KAT2B: variants seen among roughly 807,000 people sequenced by gnomAD.
The protein encoded by KAT2B is histone acetyltransferase KAT2B.
A neutral mutation model predicts 105.9 loss-of-function variants in KAT2B; 36 were observed. That is an observed-to-expected ratio of 0.34 (90% confidence interval 0.26 to 0.45). The LOEUF (loss-of-function observed/expected upper bound fraction) is 0.45. Among genes scored for constraint, KAT2B ranks in the 20% least tolerant of loss-of-function variants. KAT2B has a pLI of 1.00. For missense variants in KAT2B, 820 were observed against 1,021.6 expected, an observed-to-expected ratio of 0.80 and a Z score of 2.69; for synonymous variants, 397 against 377.9, an observed-to-expected ratio of 1.05 and a Z score of -0.59.
Position 20,122,734 on chromosome 3 carries a change from A to G in KAT2B, c.1343A>G (p.Asp448Gly), listed in dbSNP as rs1330623297. The change falls in exon 9 of 18, where the codon GAT becomes GGT. Residue 448 changes from aspartate (D) to glycine (G), a missense_variant. Transcript: ENST00000263754. ...GCCAAGAAACCCCGAGTTATGGGGG[A>G]TATTCCGATGGAATTAATCAACGAG... ...EEAKKPRVMG[D>G]IPMELINEVM... is the part of the protein sequence containing the mutation. 1 of 1,613,884 alleles carries G rather than the reference A, an allele frequency of 6.2e-7. No homozygotes were observed. The highest frequency in any genetic ancestry group is 8.5e-7 in the Non-Finnish European group (1 of 1,179,902).
intron 3 of KAT2B, among the ~76,000 whole-genome samples, chr3:20,099,240 C>T (rs966272855): frequency 7.2e-5 from 11 of 151,996 alleles, no homozygotes; most frequent in African/African-American, 1.2e-4. Context: ...CTGCATTCTA[C>T]GGATGGAAGG....
At chr3:20,061,839 C>T (rs1229423356) in intron 1 of KAT2B, among the ~76,000 whole-genome samples, 1 of 67,586 alleles carries the variant, frequency 1.5e-5, no homozygotes, top group Non-Finnish European at 3.2e-5. Flanking sequence ...ATATAATATA[C>T]ATAAAATATA....
intron 1 of KAT2B, among the ~76,000 whole-genome samples, chr3:20,062,098 C>CATATAATATATATTATATATAAAAA (rs1698125605): frequency 1.3e-5 from 1 of 74,558 alleles, no homozygotes; most frequent in Non-Finnish European, 2.2e-5. Context: ...ATATATAAAA[C>CATATAATATATATTATATATAAAAA]ATATAATATA....
At chr3:20,106,975 A>ATG (rs1559316123) in intron 5 of KAT2B, among the ~76,000 whole-genome samples, 16 of 12,024 alleles carry the variant, frequency 1.3e-3, no homozygotes, top group African/African-American at 2.2e-3. Context: ...ATATATATAT[A>ATG]TATGTATATA....
chr3:20,142,296 T>A lies in KAT2B; in HGVS notation c.2004+1932T>A, dbSNP rs1028009226. Among the ~76,000 whole-genome samples, 6 of 152,304 alleles carry A rather than the reference T, an allele frequency of 3.9e-5. No homozygotes were observed. The South Asian group carries it at 1.2e-3, about 32-fold the overall frequency. ...CTGCCTCCAGCCTTCCCTCACACAT[T>A]CCGTTGAATGGGTGATGGAGGTTTG... On this transcript the variant is annotated intron_variant, in intron 13 of 17. Coordinates refer to ENST00000263754, the MANE Select transcript of KAT2B (RefSeq NM_003884.5).
chr3:20,061,967 A>ATATATTATATATAAAACAT (rs1207278776), intron 1 of KAT2B, among the ~76,000 whole-genome samples: 35 of 98,982 alleles, frequency 3.5e-4, no homozygotes, highest in Non-Finnish European at 1.2e-4. Context: ...AAAACATAAT[A>ATATATTATATATAAAACAT]TATATTATAT....
chr3:20,140,084 T>C, intron 12 of KAT2B, 137 bp from the exon 13 acceptor site: 1 of 553,170 alleles, frequency 1.8e-6, no homozygotes, highest in Non-Finnish European at 3.2e-6. Context: ...GGTTTTAAGC[T>C]AATCCTCTTC....
chr3:20,056,324 T>C (rs1294295531), intron 1 of KAT2B, among the ~76,000 whole-genome samples: 1 of 152,128 alleles, frequency 6.6e-6, no homozygotes, highest in East Asian at 1.9e-4. Context: ...AATGTCCAGG[T>C]TTTTGGCCTG....
intron 13 of KAT2B, among the ~76,000 whole-genome samples, chr3:20,141,935 T>C (rs1453399295): frequency 1.3e-5 from 2 of 152,176 alleles, no homozygotes; most frequent in Admixed American, 1.3e-4. Flanking sequence ...GAGCTGGCTT[T>C]CCTCATTGTT....
chr3:20,135,766 C>T (rs962621434), intron 11 of KAT2B, among the ~76,000 whole-genome samples: 23 of 151,984 alleles, frequency 1.5e-4, no homozygotes, highest in African/African-American at 5.1e-4. Context: ...TGGGAAAGTA[C>T]GGATGGGCAT....
At chr3:20,074,578 G>A (rs1409044125) in intron 2 of KAT2B, among the ~76,000 whole-genome samples, 3 of 152,138 alleles carry the variant, frequency 2.0e-5, no homozygotes, top group Non-Finnish European at 4.4e-5. Flanking sequence ...CACTATCAGG[G>A]TTCTTTTACT....
At chr3:20,127,382 A>G (rs750406717) in intron 10 of KAT2B, 41 bp from the exon 11 acceptor site, 2 of 1,570,392 alleles carry the variant, frequency 1.3e-6, no homozygotes, top group Non-Finnish European at 8.8e-7. Context: ...TATTTATATA[A>G]CTAGGATAGG....
chr3:20,087,704 T>C (rs914001171), intron 2 of KAT2B, among the ~76,000 whole-genome samples: 4 of 152,206 alleles, frequency 2.6e-5, no homozygotes, highest in African/African-American at 9.6e-5. Context: ...TACTTTCTGC[T>C]TCTGTGATTC....
intron 8 of KAT2B, among the ~76,000 whole-genome samples, chr3:20,121,770 GTGTGTGTGTGTGTA>G (rs1167554940): frequency 7.6e-6 from 1 of 131,942 alleles, no homozygotes; most frequent in African/African-American, 2.7e-5. Flanking sequence ...GTGTGTGTGT[GTGTGTGTGTGTGTA>G]TAGCCAAGCC....
In KAT2B at chr3:20,147,956, C is replaced by T. The variant is rs377037575; in HGVS notation, c.2120-7C>T. 95 of 1,612,470 alleles carry T rather than the reference C, an allele frequency of 5.9e-5. No homozygotes were observed. The highest frequency in any genetic ancestry group is 2.2e-4 in the Admixed American group (13 of 59,932). ...CTCATTCAGTGTTTCACTTTGTTGA[C>T]GTATAGGAGAGACAGGCTGGAAACC... On this transcript the variant is annotated splice_region_variant and splice_polypyrimidine_tract_variant and intron_variant, in intron 14 of 17. Transcript: ENST00000263754.
chr3:20,125,292 G>A (rs1380553150), intron 9 of KAT2B, among the ~76,000 whole-genome samples: 1 of 136,194 alleles, frequency 7.3e-6, no homozygotes, highest in Non-Finnish European at 1.5e-5. Flanking sequence ...GCGAAAGAGC[G>A]AGACTCCGTC....
intron 5 of KAT2B, among the ~76,000 whole-genome samples, chr3:20,110,957 C>G (rs1266024448): frequency 1.3e-5 from 2 of 152,054 alleles, no homozygotes; most frequent in Non-Finnish European, 2.9e-5. Context: ...TTAATACTTC[C>G]TACATTTTTG....
intron 5 of KAT2B, among the ~76,000 whole-genome samples, chr3:20,105,613 C>G (rs1428378415): frequency 2.0e-5 from 3 of 151,622 alleles, no homozygotes. Context: ...TTCATCTCTA[C>G]AAAAATAAAA....
At chr3:20,149,844 T>C (rs1699841693) in intron 17 of KAT2B, among the ~76,000 whole-genome samples, 1 of 152,210 alleles carries the variant, frequency 6.6e-6, no homozygotes, top group Admixed American at 6.5e-5. Flanking sequence ...GTTAAAACTC[T>C]TTGTGTCCAT....
Sources: allele counts gnomAD v4.1 joint callset (sites outside exome capture counted in the v4.1 genomes callset), GRCh38; gene constraint gnomAD v4.1.1; transcripts MANE v1.5; gene names NCBI Gene and HGNC (gene_info 2026-07-23, HGNC 2026-07-21).